The following MCF2L variants were observed in gnomAD, a reference collection of about 807,000 sequenced individuals.
MCF2L encodes MCF.2 cell line derived transforming sequence like.
Under a neutral mutation model 153.4 loss-of-function variants are expected in MCF2L, and 97 were observed. The ratio of observed to expected loss-of-function variants is 0.63; its 90% CI spans 0.54 to 0.75. MCF2L has a LOEUF of 0.75. Ranked by LOEUF, MCF2L falls within the 30% of genes least tolerant of loss-of-function variation. MCF2L has a pLI of 0.00. For missense variants in MCF2L, 1,347 were observed against 1,495.2 expected, an observed-to-expected ratio of 0.90 and a Z score of 1.64; for synonymous variants, 659 against 632.2, an observed-to-expected ratio of 1.04 and a Z score of -0.64.
chr13:113,016,244 T>C (rs2084506641), intron 2 of MCF2L, among the ~76,000 whole-genome samples: 3 of 152,302 alleles, frequency 2.0e-5, no homozygotes, highest in African/African-American at 4.8e-5. Context: ...TTAGAAGAGA[T>C]GGGGCTCTTC....
chr13:112,994,379 T>C (rs1347158280), intron 1 of MCF2L, among the ~76,000 whole-genome samples: 2 of 147,448 alleles, frequency 1.4e-5, no homozygotes, highest in Non-Finnish European at 3.0e-5. Flanking sequence ...GCAAGGTGCG[T>C]GGGACGTCAA....
chr13:113,028,966 T>G lies in MCF2L; in HGVS notation c.278+4208T>G, dbSNP rs1225900872. On this transcript the variant is annotated intron_variant, in intron 3 of 29. Coordinates refer to ENST00000535094, the MANE Select transcript of MCF2L (RefSeq NM_001112732.3). This position sits in a 1 kb window ranked among gnomAD's most constrained non-coding sequence, Gnocchi z 5.4. The stretch of plus-strand genomic sequence containing the variant: ...ATGTGTGGACTATGTGAGGCATGTG[T>G]GGGGTGAGTGTGGGGTGTGGTGTGT... 1.3e-5 allele frequency among the ~76,000 whole-genome samples: 2 copies of G among 150,782 alleles called. No homozygotes were observed. The highest frequency in any genetic ancestry group is 3.0e-5 in the Non-Finnish European group (2 of 67,712).
rs76349176 is a variant in MCF2L at position 113,064,638 on chromosome 13, C to CAA, written c.606+233_606+234dup. 1,995 of 461,190 alleles carry CAA rather than the reference C, an allele frequency of 4.3e-3. No homozygotes were observed. The highest frequency in any genetic ancestry group is 8.4e-3 in the South Asian group (307 of 36,378). The allele number at this position is 461,190 out of a possible 1,614,324, so 28.6% of individuals were successfully genotyped here. A position where few individuals can be genotyped will look rare whatever the true frequency, so the allele number is the denominator to read the frequency against. On this transcript the variant is annotated intron_variant, in intron 6 of 29. Coordinates refer to ENST00000535094, the MANE Select transcript of MCF2L (RefSeq NM_001112732.3). The surrounding 1 kb of genome is among the most constrained non-coding windows in gnomAD (Gnocchi z 6.0). ...AGTGGCTTTCTCTGGGCTTGGAGACCAAAAAAAAAAAAAAAACCCTTGCGT... is the reference window on the plus strand; with the variant it reads ...AGTGGCTTTCTCTGGGCTTGGAGACCAAAAAAAAAAAAAAAAAACCCTTGCGT...
At chr13:112,900,719 C>T (rs2081111636) in intron 1 of MCF2L, among the ~76,000 whole-genome samples, 1 of 152,010 alleles carries the variant, frequency 6.6e-6, no homozygotes, top group African/African-American at 2.4e-5. Flanking sequence ...GGGACCTGGA[C>T]TGTGGGTTGG....
chr13:113,022,757 G>A (rs1005499602), intron 2 of MCF2L, among the ~76,000 whole-genome samples: 4 of 152,250 alleles, frequency 2.6e-5, no homozygotes, highest in Non-Finnish European at 4.4e-5. Flanking sequence ...ATCCCAGGGG[G>A]CTTTGAGCCC....
In MCF2L at chr13:113,098,613, A is replaced by T. The variant is rs2035808323; in HGVS notation, c.*1754A>T. 1 of 152,318 alleles carries T rather than the reference A, an allele frequency of 6.6e-6. No homozygotes were observed. Among genetic ancestry groups the T allele is most frequent in the African/African-American group, 2.4e-5 (1 of 41,482 alleles). The allele number at this position is 152,318 out of a possible 1,614,324, so 9.4% of individuals were successfully genotyped here. A position where few individuals can be genotyped will look rare whatever the true frequency, so the allele number is the denominator to read the frequency against. On this transcript the variant is annotated 3_prime_UTR_variant, in exon 30 of 30. Coordinates refer to ENST00000535094, the MANE Select transcript of MCF2L (RefSeq NM_001112732.3). Reference sequence around the variant, plus strand: ...GTCGGGGTTTCCAGGGCCGCAGTGCACTGTGCTTGCACATGGTAAGTCATT... The same window carrying T: ...GTCGGGGTTTCCAGGGCCGCAGTGCTCTGTGCTTGCACATGGTAAGTCATT...
intron 3 of MCF2L, among the ~76,000 whole-genome samples, chr13:113,029,381 C>G (rs1652063752): frequency 6.6e-6 from 1 of 152,216 alleles, no homozygotes; most frequent in Non-Finnish European, 1.5e-5. Flanking sequence ...TAAGGGAAAT[C>G]TTCTTCCTAA....
rs2281723 is a variant in MCF2L at position 113,084,912 on chromosome 13, T to C, written c.2082T>C (p.Tyr694=). Residue 694 remains tyrosine (Y), a synonymous_variant, in exon 19 of 30, where the codon TAT becomes TAC. Coordinates refer to ENST00000535094, the MANE Select transcript of MCF2L (RefSeq NM_001112732.3). ...FLERMEDFQI[Y]EKYCQNKPRS... is the part of the protein sequence containing the mutation. The stretch of plus-strand genomic sequence containing the variant: ...TGCAGATGGAAGATTTCCAGATCTA[T>C]GAGAAGTACTGTCAGAACAAGCCCC... The C allele has an allele frequency of 0.078, 125,890 of 1,613,030 alleles. 6,126 individuals carry two copies. Among genetic ancestry groups the C allele is most frequent in the East Asian group, 0.28 (12,341 of 44,876 alleles).
intron 2 of MCF2L, among the ~76,000 whole-genome samples, chr13:113,022,656 C>G (rs111303897): frequency 0.019 from 2,934 of 152,364 alleles, 96 homozygotes; most frequent in African/African-American, 0.067. Context: ...CCCGGCAGAA[C>G]ACTCTTACCT....
In MCF2L at chr13:112,925,768, G is replaced by A. The variant is rs75730311; in HGVS notation, c.169+23397G>A. 2.2e-3 allele frequency among the ~76,000 whole-genome samples: 329 copies of A among 152,208 alleles called. 7 individuals are homozygous for A. The East Asian group carries it at 0.034, about 16-fold the overall frequency. ...CGTTTGATGTGATAAACTGCTCCGT[G>A]CATGTTCCTATATCTAGTAAAGGAA... On this transcript the variant is annotated intron_variant, in intron 2 of 29. Coordinates refer to the MCF2L transcript ENST00000375608.
intron 1 of MCF2L, among the ~76,000 whole-genome samples, chr13:113,003,660 C>T (rs1314571706): frequency 2.6e-5 from 4 of 152,294 alleles, no homozygotes; most frequent in Non-Finnish European, 5.9e-5. Context: ...TGAGCCCTGA[C>T]GGTTCCGTGA....
At chr13:113,021,176 G>A (rs368956657) in intron 2 of MCF2L, among the ~76,000 whole-genome samples, 22 of 152,246 alleles carry the variant, frequency 1.4e-4, no homozygotes, top group African/African-American at 5.3e-4. Flanking sequence ...CTAGCTGTAT[G>A]TGCAGCTATG....
intron 20 of MCF2L, 54 bp downstream of exon 20, chr13:113,085,232 T>G (rs540105311): frequency 6.5e-7 from 1 of 1,548,832 alleles, no homozygotes; most frequent in African/African-American, 1.4e-5. Context: ...TGGCCAGGTG[T>G]CTGTGCCGCC....
In MCF2L at chr13:113,087,734, G is replaced by T; in HGVS notation, c.2623G>T (p.Val875Leu). The T allele has an allele frequency of 6.2e-7, 1 of 1,614,104 alleles. No homozygotes were observed. Among genetic ancestry groups the T allele is most frequent in the Non-Finnish European group, 8.5e-7 (1 of 1,180,036 alleles). ...NMAAVGITEN[V>L]KGDAKKFEIW... ...GGCTGCCGTTGGCATTACGGAGAAC[G>T]TGAAGGGAGATGCTAAGAAGTTCGA... The change falls in exon 23 of 30, where the codon GTG (valine) becomes TTG (leucine). Residue 875 changes from valine (V) to leucine (L), a missense_variant. This residue lies in a region of MCF2L where 144 missense variants were observed against 238.7 expected (regional missense o/e 0.60). Transcript: ENST00000535094.
At chr13:112,929,599 C>T (rs1336155115) in intron 2 of MCF2L, among the ~76,000 whole-genome samples, 1 of 152,222 alleles carries the variant, frequency 6.6e-6, no homozygotes, top group Non-Finnish European at 1.5e-5. Flanking sequence ...CTGCCCCTGC[C>T]CTCAGGCCCC....
intron 3 of MCF2L, among the ~76,000 whole-genome samples, chr13:113,026,191 T>G (rs894620233): frequency 2.0e-5 from 3 of 151,238 alleles, no homozygotes; most frequent in Non-Finnish European, 1.5e-5. Flanking sequence ...TCCCCGTGAC[T>G]GTGGGTCGGG....
In MCF2L at chr13:113,096,908, G is replaced by A. The variant is rs2035719492; in HGVS notation, c.*49G>A. ...GCGCGCTGTCTGGGGCTGCGGTGGC[G>A]TGGGGAGGGCGCGGCCCCCGGACGC... On this transcript the variant is annotated 3_prime_UTR_variant, in exon 30 of 30. Coordinates refer to ENST00000535094, the MANE Select transcript of MCF2L (RefSeq NM_001112732.3). 7.2e-6 allele frequency: 9 copies of A among 1,256,506 alleles called. No individual in the cohort carries two copies. Among genetic ancestry groups the A allele is most frequent in the East Asian group, 6.7e-5 (2 of 30,046 alleles). 77.8% of individuals were successfully genotyped at this position (1,256,506 alleles called of 1,614,324 possible). A position where few individuals can be genotyped will look rare whatever the true frequency, so the allele number is the denominator to read the frequency against.
intron 5 of MCF2L, among the ~76,000 whole-genome samples, chr13:113,062,931 G>A (rs905017803): frequency 1.3e-5 from 2 of 152,210 alleles, no homozygotes; most frequent in African/African-American, 4.8e-5. Flanking sequence ...CTCCCCGTCC[G>A]GCCTCAGTGG....
chr13:113,016,313 C>T (rs1477156003), intron 2 of MCF2L, among the ~76,000 whole-genome samples: 2 of 152,180 alleles, frequency 1.3e-5, no homozygotes, highest in African/African-American at 4.8e-5. Flanking sequence ...CTCTGTGTGG[C>T]CCCGAAGGAG....
Sources: allele counts gnomAD v4.1 joint callset (sites outside exome capture counted in the v4.1 genomes callset), GRCh38; gene constraint gnomAD v4.1.1; regional missense constraint gnomAD v4.1.1; non-coding constraint Gnocchi (gnomAD v3.1); transcripts MANE v1.5; gene names NCBI Gene and HGNC (gene_info 2026-07-23, HGNC 2026-07-21).